The following VEPH1 variants were observed in gnomAD, a reference collection of about 807,000 sequenced individuals.
VEPH1 encodes ventricular zone-expressed PH domain-containing protein homolog 1.
VEPH1 carries 80 observed loss-of-function variants against 85.2 expected under a neutral mutation model. The observed-to-expected ratio is 0.94, with a 90% confidence interval of 0.78 to 1.13. The LOEUF is 1.13. Among genes scored for constraint, VEPH1 ranks in the 50% most tolerant of loss-of-function variants. VEPH1 has a pLI of 0.00. For synonymous variants in VEPH1, 297 were observed against 348.0 expected (o/e 0.85, Z 1.63); for missense variants, 955 against 980.5 (o/e 0.97, Z 0.35).
intron 11 of VEPH1, among the ~76,000 whole-genome samples, chr3:157,293,881 C>T (rs889215876): frequency 2.0e-5 from 3 of 152,222 alleles, no homozygotes; most frequent in Non-Finnish European, 4.4e-5. Flanking sequence ...GGCCAAAACA[C>T]TACCAATGTT....
At chr3:157,442,787 T>G in intron 4 of VEPH1, 1 of 1,614,228 alleles carries the variant, frequency 6.2e-7, no homozygotes, top group Non-Finnish European at 8.5e-7. Flanking sequence ...ATGGCTGCTG[T>G]GTGGGTGGTG....
intron 2 of VEPH1, among the ~76,000 whole-genome samples, chr3:157,483,497 A>G (rs112481954): frequency 0.013 from 1,997 of 152,300 alleles, 43 homozygotes; most frequent in African/African-American, 0.045. Flanking sequence ...ACAAAATTAT[A>G]TATTCAAAAT....
At chr3:157,465,710 G>A (rs998163096) in intron 3 of VEPH1, among the ~76,000 whole-genome samples, 1 of 152,174 alleles carries the variant, frequency 6.6e-6, no homozygotes, top group African/African-American at 2.4e-5. Context: ...CATTGACTGG[G>A]GAAGAAGAAC....
chr3:157,352,462 T>C (rs1437420292), intron 9 of VEPH1, among the ~76,000 whole-genome samples: 11 of 152,260 alleles, frequency 7.2e-5, no homozygotes, highest in African/African-American at 2.7e-4. Flanking sequence ...ATTAATTTGC[T>C]GATCATGGTT....
At chr3:157,319,535 CA>C (rs1388140705) in intron 9 of VEPH1, among the ~76,000 whole-genome samples, 1 of 152,058 alleles carries the variant, frequency 6.6e-6, no homozygotes, top group East Asian at 1.9e-4. Context: ...AGAGCACATA[CA>C]AAAAATGGTA....
chr3:157,404,355 G>GA (rs1731001242), intron 6 of VEPH1, among the ~76,000 whole-genome samples: 1 of 152,258 alleles, frequency 6.6e-6, no homozygotes. Context: ...AATGCAACCA[G>GA]AAAACCATCA....
chr3:157,440,874 C>G (rs1276545872), intron 4 of VEPH1, among the ~76,000 whole-genome samples: 2 of 152,154 alleles, frequency 1.3e-5, no homozygotes, highest in Non-Finnish European at 2.9e-5. Context: ...TTAGCAGAAA[C>G]ATGTTCTCCA....
rs937107000 is a variant in VEPH1, at chr3:157,474,651, G to A, written c.139-4122C>T. Among the ~76,000 whole-genome samples, 9 of 152,164 alleles carry A rather than the reference G, an allele frequency of 5.9e-5. No homozygotes were observed. In the South Asian group the frequency reaches 1.9e-3, roughly 31 times the overall value. The stretch of plus-strand genomic sequence containing the variant: ...TAATCAACAATTTAAGCATGGTGGA[G>A]CTACATGTAGACTTCACAGGTCTTC... On this transcript the variant is annotated intron_variant, in intron 2 of 13. Transcript: ENST00000362010.
At chr3:157,428,894 A>C (rs896066146) in intron 4 of VEPH1, among the ~76,000 whole-genome samples, 2 of 152,226 alleles carry the variant, frequency 1.3e-5, no homozygotes, top group African/African-American at 4.8e-5. Context: ...ACTGAACAAC[A>C]AAAAAAGTGC....
At position 157,286,527 on chromosome 3, in the gene VEPH1, G is replaced by A. The variant is rs532142395; in HGVS notation, c.2128+30C>T. ...GATCCCTGTAATTTGGGGCACAAAT[G>A]GTTCTTAGCAGCAGGTAAGGGTCTC... On this transcript the variant is annotated intron_variant, in intron 12 of 13. Transcript: ENST00000362010. 25 of 1,572,374 alleles carry A rather than the reference G, an allele frequency of 1.6e-5. No homozygotes were observed. The South Asian group carries it at 1.9e-4, about 12-fold the overall frequency.
rs34703314 is a variant in VEPH1, at chr3:157,314,330, CAAAAAAAAAAA to C, written c.1876-586_1876-576del. Reference sequence around the variant, plus strand: ...CCTGGGTGACAGAGGGAGGATCCGTCAAAAAAAAAAAAAAAAAAAAAAAAAAAAAAAAATTA... The same window carrying C: ...CCTGGGTGACAGAGGGAGGATCCGTCAAAAAAAAAAAAAAAAAAAAAATTA... On this transcript the variant is annotated intron_variant, in intron 10 of 13. Transcript: ENST00000362010. 1.4e-3 allele frequency among the ~76,000 whole-genome samples: 62 copies of C among 43,206 alleles called. 1 individual carries two copies. The highest frequency in any genetic ancestry group is 0.013 in the East Asian group (21 of 1,556). 28.3% of individuals were successfully genotyped at this position (43,206 alleles called of 152,430 possible).
Position 157,442,907 on chromosome 3 carries a change from C to T in VEPH1, c.530-14419G>A, listed in dbSNP as rs547458468. The T allele has an allele frequency of 1.1e-4, 179 of 1,614,166 alleles. 2 individuals carry two copies. The South Asian group carries it at 1.8e-3, about 17-fold the overall frequency. On this transcript the variant is annotated intron_variant, in intron 4 of 13. Transcript: ENST00000362010. ...AGACCGGAGGAGCAGAGTCTTGTCA[C>T]ATCCGGGGGAATATTGTTGGGTGGG... is the stretch of plus-strand genomic sequence containing the variant.
intron 9 of VEPH1, among the ~76,000 whole-genome samples, chr3:157,325,929 G>T (rs1434090542): frequency 6.6e-6 from 1 of 152,092 alleles, no homozygotes; most frequent in Non-Finnish European, 1.5e-5. Context: ...GGACAATATG[G>T]CCATTTTCAT....
intron 9 of VEPH1, 31 bp from the exon 10 acceptor site, chr3:157,317,232 T>C: frequency 3.2e-6 from 5 of 1,570,864 alleles, no homozygotes; most frequent in Non-Finnish European, 4.3e-6. Flanking sequence ...CGTTAAACGT[T>C]ATGGTCTTTC....
At chr3:157,274,385 A>G (rs572796154) in intron 12 of VEPH1, among the ~76,000 whole-genome samples, 1 of 152,346 alleles carries the variant, frequency 6.6e-6, no homozygotes, top group African/African-American at 2.4e-5. Context: ...AAGAGAATTC[A>G]GAGTAAGAGA....
intron 12 of VEPH1, among the ~76,000 whole-genome samples, chr3:157,277,025 C>T (rs1264714539): frequency 6.6e-6 from 1 of 151,968 alleles, no homozygotes; most frequent in Non-Finnish European, 1.5e-5. Flanking sequence ...CTGCAAGTAG[C>T]TGGGACTACA....
At chr3:157,354,367 A>C (rs903083150) in intron 9 of VEPH1, among the ~76,000 whole-genome samples, 1 of 152,040 alleles carries the variant, frequency 6.6e-6, no homozygotes, top group Non-Finnish European at 1.5e-5. Flanking sequence ...TCATCCATCC[A>C]TTGGGTGATT....
At position 157,286,608 on chromosome 3, in the gene VEPH1, T is replaced by C; in HGVS notation, c.2077A>G (p.Thr693Ala). 1 of 1,614,138 alleles carries C rather than the reference T, an allele frequency of 6.2e-7. No homozygotes were observed. Among genetic ancestry groups the C allele is most frequent in the Non-Finnish European group, 8.5e-7 (1 of 1,179,980 alleles). ...ATGAAGCATTGCCATGCTCCTGCTG[T>C]TTCACTGAAGCCAAACACGTCAAAG... is the stretch of plus-strand genomic sequence containing the variant. The part of the protein sequence containing the change: ...RFFDVFGFSE[T>A]AGAWQCFMCN... Residue 693 changes from threonine (T) to alanine (A), a missense_variant, in exon 12 of 14, where the codon ACA becomes GCA. By Grantham distance (58) the Thr-to-Ala change is moderately conservative. Transcript: ENST00000362010.
rs1243689549 is a variant in VEPH1 at position 157,265,530 on chromosome 3, T to G, written c.2261A>C (p.Lys754Thr). 6.2e-7 allele frequency: 1 copy of G among 1,612,360 alleles called. No individual in the cohort carries two copies. Among genetic ancestry groups the G allele is most frequent in the Admixed American group, 1.7e-5 (1 of 59,892 alleles). The change falls in exon 13 of 14, where the codon AAG (lysine) becomes ACG (threonine). Residue 754 changes from lysine to threonine, a missense_variant. Physicochemically the swap from Lys to Thr is moderately conservative, Grantham distance 78. Transcript: ENST00000362010. ...AGNQLLFQKG[K>T]SKDDPDDCPI... ...AAAGATGATGGAGGAACTTACAGAC[T>G]TTCCTTTTTGAAACAGAAGTTGATT...
Sources: allele counts gnomAD v4.1 joint callset (sites outside exome capture counted in the v4.1 genomes callset), GRCh38; gene constraint gnomAD v4.1.1; transcripts MANE v1.5; gene names NCBI Gene and HGNC (gene_info 2026-07-23, HGNC 2026-07-21).